The following SCPEP1 variants were observed in gnomAD, a reference collection of about 807,000 sequenced individuals.
SCPEP1 encodes the protein serine carboxypeptidase 1.
A neutral mutation model predicts 63.8 loss-of-function variants in SCPEP1; 51 were observed. That is an observed-to-expected ratio of 0.80 (90% CI 0.64 to 1.01). The LOEUF (loss-of-function observed/expected upper bound fraction) is 1.01. SCPEP1 is among the 50% of genes least tolerant of loss of function. SCPEP1 has a pLI of 0.00. For missense variants in SCPEP1, 499 were observed against 554.9 expected (o/e 0.90, Z 1.01); for synonymous variants, 204 against 207.8 (o/e 0.98, Z 0.16).
chr17:57,001,144 T>G (rs1430870607), intron 11 of SCPEP1, 152 bp downstream of exon 11: 1 of 871,086 alleles, frequency 1.1e-6, no homozygotes, highest in African/African-American at 1.7e-5. Flanking sequence ...CGACCTTGAT[T>G]ATTCAAAGGG....
In SCPEP1 at chr17:57,002,033, T is replaced by C. The variant is rs1189636132; in HGVS notation, c.1148T>C (p.Val383Ala). The part of the protein sequence containing the change: ...IVDTMGQEAW[V>A]RKLKWPELPK... ...TTCTCACCAGGTCAGGAGGCCTGGG[T>C]GCGGAAACTGAAGTGGCCAGAACTG... The change falls in exon 12 of 13, where the codon GTG becomes GCG. Residue 383 changes from valine to alanine, a missense_variant. By Grantham distance (64) the Val-to-Ala change is moderately conservative. Transcript: ENST00000262288. 6.2e-7 allele frequency: 1 copy of C among 1,613,970 alleles called. No individual in the cohort carries two copies. The highest frequency in any genetic ancestry group is 1.3e-5 in the African/African-American group (1 of 74,926).
At chr17:57,001,077 G>A (rs889262072) in intron 11 of SCPEP1, 85 bp downstream of exon 11, 34 of 1,420,302 alleles carry the variant, frequency 2.4e-5, no homozygotes, top group Middle Eastern at 3.6e-4. Context: ...TCAGTCTTGC[G>A]GTGGGTGATG....
chr17:56,978,159 C>G lies in SCPEP1; in HGVS notation c.-1C>G. 2.8e-6 allele frequency: 4 copies of G among 1,420,702 alleles called. No homozygotes were observed. Among genetic ancestry groups the G allele is most frequent in the Non-Finnish European group, 3.9e-6 (4 of 1,026,604 alleles). 88.0% of individuals were successfully genotyped at this position (1,420,702 alleles called of 1,614,324 possible). On this transcript the variant is annotated 5_prime_UTR_variant, in exon 1 of 13. Transcript: ENST00000262288. Reference sequence around the variant, plus strand: ...GCTGATGCTGCCGTGCGGTACTTGTCATGGAGCTGGCACTGCGGCGCTCTC... The same window carrying G: ...GCTGATGCTGCCGTGCGGTACTTGTGATGGAGCTGGCACTGCGGCGCTCTC...
intron 3 of SCPEP1, chr17:56,986,989 C>G (rs1911241101): frequency 6.6e-6 from 1 of 152,338 alleles, no homozygotes. Context: ...CTCCACTCCC[C>G]ACCCCCATTG....
At chr17:56,987,894 T>C (rs754811914) in intron 4 of SCPEP1, 44 bp downstream of exon 4, 18 of 1,603,128 alleles carry the variant, frequency 1.1e-5, no homozygotes, top group Non-Finnish European at 1.4e-5. Context: ...GCTGGCAATA[T>C]CAACTCTACA....
At chr17:56,985,291 C>A in intron 2 of SCPEP1, 87 bp from the exon 3 acceptor site, 1 of 1,017,598 alleles carries the variant, frequency 9.8e-7, no homozygotes, top group Non-Finnish European at 1.5e-6. Context: ...ATCACTAACT[C>A]ATAAACCATC....
chr17:56,980,916 T>C (rs1391455095), intron 1 of SCPEP1, among the ~76,000 whole-genome samples, 166 bp from the exon 2 acceptor site: 1 of 152,226 alleles, frequency 6.6e-6, no homozygotes, highest in East Asian at 1.9e-4. Flanking sequence ...GGTTTCTTTT[T>C]TCATAGCCGA....
chr17:56,979,259 G>A lies in SCPEP1; in HGVS notation c.76+1024G>A, dbSNP rs144997130. ...CTACTTCAGCATCCCAAGTAGCCCG[G>A]ACTGCAGACACAGGCCACCACCCTG... On this transcript the variant is annotated intron_variant, in intron 1 of 12. Transcript: ENST00000262288. 2.3e-3 allele frequency among the ~76,000 whole-genome samples: 344 copies of A among 152,242 alleles called. 2 individuals are homozygous for A. Among genetic ancestry groups the A allele is most frequent in the Non-Finnish European group, 2.3e-3 (159 of 68,006 alleles).
chr17:56,991,879 G>T (rs997878032), intron 6 of SCPEP1, among the ~76,000 whole-genome samples: 1 of 152,208 alleles, frequency 6.6e-6, no homozygotes, highest in African/African-American at 2.4e-5. Flanking sequence ...GGAGATGCTA[G>T]TAGCACCGCT....
intron 2 of SCPEP1, among the ~76,000 whole-genome samples, chr17:56,982,201 A>G (rs1911087550): frequency 6.6e-6 from 1 of 152,110 alleles, no homozygotes; most frequent in Admixed American, 6.5e-5. Flanking sequence ...TTGCCTCTGG[A>G]AAATGTAGGC....
rs1911283865 is a variant in SCPEP1, at chr17:56,988,257, A to C, written c.513A>C (p.Lys171Asn). The C allele has an allele frequency of 1.2e-6, 2 of 1,613,358 alleles. No individual in the cohort carries two copies. Among genetic ancestry groups the C allele is most frequent in the Non-Finnish European group, 1.7e-6 (2 of 1,179,496 alleles). ...FYIFSESYGGKMAAGIGLELY... is the reference protein window; with the variant it reads ...FYIFSESYGGNMAAGIGLELY... Reference sequence around the variant, plus strand: ...TTTTCTCAGAGTCCTATGGAGGAAAAATGGCAGCTGGCATTGGTCTAGAGC... The same window carrying C: ...TTTTCTCAGAGTCCTATGGAGGAAACATGGCAGCTGGCATTGGTCTAGAGC... Residue 171 changes from lysine to asparagine, a missense_variant, in exon 5 of 13, where the codon AAA (lysine) becomes AAC (asparagine). Physicochemically the swap from Lys to Asn is moderately conservative, Grantham distance 94 (BLOSUM62 0). Transcript: ENST00000262288.
chr17:57,000,989 A>T lies in SCPEP1; in HGVS notation c.1129A>T (p.Met377Leu), dbSNP rs745798326. 9 of 1,614,156 alleles carry T rather than the reference A, an allele frequency of 5.6e-6. No individual in the cohort carries two copies. The East Asian group carries it at 2.0e-4, about 36-fold the overall frequency. ...ACAGCTGGATCTCATCGTAGATACC[A>T]TGGGTAGGAATTGACTCTGAGAGGC... ...NGQLDLIVDT[M>L]GQEAWVRKLK... The change falls in exon 11 of 13, where the codon ATG becomes TTG. Residue 377 changes from methionine (M) to leucine (L), a missense_variant. Physicochemically the swap from Met to Leu is conservative, Grantham distance 15 (BLOSUM62 2). Coordinates refer to ENST00000262288, the MANE Select transcript of SCPEP1 (RefSeq NM_021626.3).
Position 57,002,138 on chromosome 17 carries a change from A to T in SCPEP1, c.1253A>T (p.Tyr418Phe), listed in dbSNP as rs1911758249. The change falls in exon 12 of 13, where the codon TAC becomes TTC. Residue 418 changes from tyrosine (Y) to phenylalanine (F), a missense_variant. Physicochemically the swap from Tyr to Phe is conservative, Grantham distance 22. Coordinates refer to ENST00000262288, the MANE Select transcript of SCPEP1 (RefSeq NM_021626.3). ...SLETSAFVKS[Y>F]KNLAFYWILK... ...GAAACATCTGCTTTTGTCAAGTCCT[A>T]CAAGAACCTTGCTTTCTACTGGATT... is the stretch of plus-strand genomic sequence containing the variant. 1.9e-6 allele frequency: 3 copies of T among 1,614,216 alleles called. No individual in the cohort carries two copies. The highest frequency in any genetic ancestry group is 2.5e-6 in the Non-Finnish European group (3 of 1,180,036).
chr17:57,003,288 C>T (rs530719296), intron 12 of SCPEP1, among the ~76,000 whole-genome samples: 2 of 152,046 alleles, frequency 1.3e-5, no homozygotes, highest in Admixed American at 6.6e-5. Context: ...GACAGTAGGG[C>T]ACCAAGCAGG....
At chr17:56,985,167 C>T in intron 2 of SCPEP1, 1 of 596,396 alleles carries the variant, frequency 1.7e-6, no homozygotes. Context: ...GACCTCTTAG[C>T]TCAGCTCTGC....
intron 2 of SCPEP1, among the ~76,000 whole-genome samples, chr17:56,982,221 C>A (rs1227111057): frequency 6.6e-6 from 1 of 152,112 alleles, no homozygotes; most frequent in Non-Finnish European, 1.5e-5. Flanking sequence ...CATGGCCCAG[C>A]TGGAACCCTG....
intron 10 of SCPEP1, among the ~76,000 whole-genome samples, chr17:56,999,307 G>A (rs1467430995): frequency 2.0e-5 from 3 of 152,102 alleles, no homozygotes; most frequent in Non-Finnish European, 4.4e-5. Context: ...GCATTACTGC[G>A]TTCTGGTCTC....
chr17:56,986,017 G>A (rs1036785532), intron 3 of SCPEP1, among the ~76,000 whole-genome samples: 1 of 151,866 alleles, frequency 6.6e-6, no homozygotes, highest in African/African-American at 2.4e-5. Flanking sequence ...CACCTGCTTA[G>A]CCCTTACGCC....
At chr17:56,990,982 G>A in intron 5 of SCPEP1, 117 bp from the exon 6 acceptor site, 3 of 800,854 alleles carry the variant, frequency 3.7e-6, no homozygotes, top group Non-Finnish European at 6.8e-6. Flanking sequence ...ACATTGCCTA[G>A]GCTGGTCTTG....
Sources: gnomAD v4.1 joint callset for allele counts (sites outside exome capture counted in the v4.1 genomes callset) on GRCh38, gnomAD v4.1.1 for gene constraint, MANE v1.5 for transcripts, NCBI Gene and HGNC (gene_info 2026-07-23, HGNC 2026-07-21) for gene names.